The following ELAVL1 variants were observed in gnomAD, a reference collection of about 807,000 sequenced individuals.
ELAVL1 encodes ELAV-like protein 1.
A neutral mutation model predicts 28.4 loss-of-function variants in ELAVL1; 1 was observed. That is an observed-to-expected ratio of 0.04 (90% confidence interval 0.01 to 0.17). ELAVL1 has a LOEUF of 0.17. ELAVL1 is among the 10% of genes least tolerant of loss of function. The pLI is 1.00. For synonymous variants in ELAVL1, 174 were observed against 183.5 expected (o/e 0.95, Z 0.42); for missense variants, 157 against 447.2 (o/e 0.35, Z 5.85).
rs929727145 is a variant in ELAVL1 at position 7,981,416 on chromosome 19, G to A, written c.173-230C>T. 2.0e-5 allele frequency among the ~76,000 whole-genome samples: 3 copies of A among 149,508 alleles called. No individual in the cohort carries two copies. The highest frequency in any genetic ancestry group is 4.9e-5 in the African/African-American group (2 of 40,406). ...TCTGTCACCCAGGGTGGAGTCCAGC[G>A]CTGTGATCACAGCTCACCGCCACCT... On this transcript the variant is annotated intron_variant, in intron 2 of 5. Transcript: ENST00000407627. This position sits in a 1 kb window ranked among gnomAD's most constrained non-coding sequence, Gnocchi z 4.2.
rs982057481 is a variant in ELAVL1, at chr19:7,962,783, C to T, written c.*700G>A. On this transcript the variant is annotated 3_prime_UTR_variant, in exon 6 of 6. Coordinates refer to ENST00000407627, the MANE Select transcript of ELAVL1 (RefSeq NM_001419.3). ...AGCTTAGATCTGACTCTGGAATATA[C>T]TGGAGTTTCCCTGAAACTCTTTGGT... 2 of 152,702 alleles carry T rather than the reference C, an allele frequency of 1.3e-5. No homozygotes were observed. The highest frequency in any genetic ancestry group is 2.9e-5 in the Non-Finnish European group (2 of 68,062). 9.5% of individuals were successfully genotyped at this position (152,702 alleles called of 1,614,324 possible).
intron 2 of ELAVL1, among the ~76,000 whole-genome samples, chr19:7,984,496 G>A (rs1373333862): frequency 6.6e-6 from 1 of 152,256 alleles, no homozygotes; most frequent in Non-Finnish European, 1.5e-5. Flanking sequence ...GGCCTAGGAA[G>A]TGGCCACTGG....
intron 2 of ELAVL1, among the ~76,000 whole-genome samples, chr19:7,989,522 AACAG>A (rs1212418472): frequency 6.6e-6 from 1 of 152,252 alleles, no homozygotes; most frequent in African/African-American, 2.4e-5. Context: ...ACCACAAGGG[AACAG>A]ACAAAGAAGT....
At chr19:8,003,037 G>C (rs774481476) in intron 1 of ELAVL1, among the ~76,000 whole-genome samples, 73 of 152,312 alleles carry the variant, frequency 4.8e-4, no homozygotes, top group Middle Eastern at 3.4e-3. Context: ...CGGAGAGTGA[G>C]AGAGGCAAGA....
chr19:7,993,633 C>T (rs537213750), intron 1 of ELAVL1, among the ~76,000 whole-genome samples: 27 of 152,246 alleles, frequency 1.8e-4, no homozygotes, highest in Middle Eastern at 3.4e-3. Context: ...AAGTGCGCCG[C>T]ACACTGGGCT....
intron 1 of ELAVL1, among the ~76,000 whole-genome samples, chr19:7,994,102 C>A (rs1377701718): frequency 6.6e-6 from 1 of 152,228 alleles, no homozygotes; most frequent in East Asian, 1.9e-4. Flanking sequence ...AAGTGAGACT[C>A]CATGAAATTA....
intron 1 of ELAVL1, among the ~76,000 whole-genome samples, chr19:7,993,126 G>A (rs190464050): frequency 9.7e-4 from 148 of 152,208 alleles, no homozygotes; most frequent in South Asian, 2.3e-3. Context: ...GCTACAGAAC[G>A]AGTGTTCTCC....
chr19:7,991,062 A>C (rs577116296), intron 2 of ELAVL1, among the ~76,000 whole-genome samples: 111 of 152,330 alleles, frequency 7.3e-4, no homozygotes, highest in African/African-American at 2.5e-3. Context: ...GTGGAACAGC[A>C]GGGCTTTTAG....
chr19:7,991,898 T>TA, intron 1 of ELAVL1, 67 bp from the exon 2 acceptor site: 2 of 1,227,044 alleles, frequency 1.6e-6, no homozygotes, highest in Non-Finnish European at 2.2e-6. Flanking sequence ...GCAAAACTAG[T>TA]AACTGCATTT....
intron 3 of ELAVL1, among the ~76,000 whole-genome samples, chr19:7,980,872 C>A (rs913734828): frequency 6.6e-6 from 1 of 152,110 alleles, no homozygotes; most frequent in South Asian, 2.1e-4. Flanking sequence ...TGGGAGCTGA[C>A]GCAACCTGGG....
Position 7,961,211 on chromosome 19 carries a change from G to C in ELAVL1, c.*2272C>G, listed in dbSNP as rs1484911062. On this transcript the variant is annotated 3_prime_UTR_variant, in exon 6 of 6. Coordinates refer to ENST00000407627, the MANE Select transcript of ELAVL1 (RefSeq NM_001419.3). ...CTACAAGCCCGTCATCATTTTCACA[G>C]TTGAAGCTTAAGACAGAGTTCTCTG... The C allele has an allele frequency of 6.6e-6, 1 of 152,272 alleles. No individual in the cohort carries two copies. The highest frequency in any genetic ancestry group is 1.5e-5 in the Non-Finnish European group (1 of 68,048). The allele number at this position is 152,272 out of a possible 1,614,324, so 9.4% of individuals were successfully genotyped here. A position where few individuals can be genotyped will look rare whatever the true frequency, so the allele number is the denominator to read the frequency against.
At chr19:7,987,552 G>C (rs1026800432) in intron 2 of ELAVL1, among the ~76,000 whole-genome samples, 7 of 152,176 alleles carry the variant, frequency 4.6e-5, no homozygotes, top group Admixed American at 2.0e-4. Flanking sequence ...CTTGAGAGCA[G>C]CACATGGGGC....
intron 1 of ELAVL1, among the ~76,000 whole-genome samples, chr19:8,003,625 G>C (rs906423518): frequency 4.0e-5 from 6 of 149,132 alleles, no homozygotes; most frequent in Non-Finnish European, 3.0e-5. Context: ...CCGGGAGGCG[G>C]AGCTTGCAGT....
intron 1 of ELAVL1, among the ~76,000 whole-genome samples, chr19:8,004,966 T>C (rs968250612): frequency 3.3e-5 from 5 of 152,070 alleles, no homozygotes; most frequent in African/African-American, 1.2e-4. Flanking sequence ...CAAAAAAAGA[T>C]GCAGTTTAGA....
rs1265026645 is a variant in ELAVL1 at position 7,979,510 on chromosome 19, T to G, written c.276+1573A>C. On this transcript the variant is annotated intron_variant, in intron 3 of 5. Coordinates refer to ENST00000407627, the MANE Select transcript of ELAVL1 (RefSeq NM_001419.3). This position sits in a 1 kb window ranked among gnomAD's most constrained non-coding sequence, Gnocchi z 5.4. ...GTTCTGCTCCACACCTCAGCCTGGCTGCCTCAGAAACAAGAACCTTCACAC... is the reference window on the plus strand; with the variant it reads ...GTTCTGCTCCACACCTCAGCCTGGCGGCCTCAGAAACAAGAACCTTCACAC... 6.6e-6 allele frequency among the ~76,000 whole-genome samples: 1 copy of G among 152,246 alleles called. No homozygotes were observed. The highest frequency in any genetic ancestry group is 1.9e-4 in the East Asian group (1 of 5,196).
chr19:7,969,234 G>A (rs756142782), intron 4 of ELAVL1, among the ~76,000 whole-genome samples: 1 of 152,190 alleles, frequency 6.6e-6, no homozygotes, highest in Non-Finnish European at 1.5e-5. Flanking sequence ...GTCAAAGGGT[G>A]TCTTAAGTCA....
At chr19:7,967,209 AT>A (rs1314268773) in intron 5 of ELAVL1, among the ~76,000 whole-genome samples, 1 of 151,810 alleles carries the variant, frequency 6.6e-6, no homozygotes, top group Non-Finnish European at 1.5e-5. Context: ...CCAGCTTTGT[AT>A]TTTTTGTAGA....
chr19:8,000,986 C>T lies in ELAVL1; in HGVS notation c.-17+4509G>A, dbSNP rs11879747. On this transcript the variant is annotated intron_variant, in intron 1 of 5. Transcript: ENST00000407627. ...AGCAACAGGGCATGGCAGGAAAAAA[C>T]CCTGAGCTCTGGAGCCTGGCAGGCC... 9.5e-4 allele frequency among the ~76,000 whole-genome samples: 144 copies of T among 152,348 alleles called. 1 individual carries two copies. Among genetic ancestry groups the T allele is most frequent in the Non-Finnish European group, 1.6e-3 (107 of 68,036 alleles).
chr19:7,977,932 G>C (rs1008003902), intron 3 of ELAVL1, among the ~76,000 whole-genome samples: 1 of 152,250 alleles, frequency 6.6e-6, no homozygotes, highest in Non-Finnish European at 1.5e-5. Context: ...TGCAGGTCCT[G>C]CTGCTCAGAA....
Sources: allele counts gnomAD v4.1 joint callset (sites outside exome capture counted in the v4.1 genomes callset), GRCh38; gene constraint gnomAD v4.1.1; non-coding constraint Gnocchi (gnomAD v3.1); transcripts MANE v1.5; gene names NCBI Gene and HGNC (gene_info 2026-07-23, HGNC 2026-07-21).